The following A3GALT2 variants were observed in gnomAD, a reference collection of about 807,000 sequenced individuals.
The protein encoded by A3GALT2 is alpha 1,3-galactosyltransferase 2, also known as alpha-1,3-galactosyltransferase 2.
Under a neutral mutation model 16.6 loss-of-function variants are expected in A3GALT2, and 14 were observed. The observed-to-expected ratio is 0.84, with a 90% CI of 0.56 to 1.32. The LOEUF is 1.32. Among genes scored for constraint, A3GALT2 ranks in the 40% most tolerant of loss-of-function variants. A3GALT2 has a pLI of 0.00. For missense variants in A3GALT2, 600 were observed against 490.9 expected (o/e 1.22, Z -2.10); for synonymous variants, 253 against 218.0 (o/e 1.16, Z -1.42).
intron 4 of A3GALT2, among the ~76,000 whole-genome samples, chr1:33,309,956 T>C (rs189471932): frequency 6.6e-6 from 1 of 152,344 alleles, no homozygotes; most frequent in East Asian, 1.9e-4. Context: ...GGCAGGCAGC[T>C]GGTAGGTGGA....
Position 33,312,918 on chromosome 1 carries a change from CTCAT to C in A3GALT2, c.24-32_24-29del, listed in dbSNP as rs765282936. ...GGGGGCGGGAGGGGGGCATCAGTAA[CTCAT>C]TTATATGTATAGACACAAATATTTA... On this transcript the variant is annotated intron_variant, in intron 1 of 4. Transcript: ENST00000442999. 2.0e-6 allele frequency: 3 copies of C among 1,533,726 alleles called. No individual in the cohort carries two copies. The South Asian group carries it at 3.5e-5, about 18-fold the overall frequency.
rs1005701237 is a variant in A3GALT2, at chr1:33,320,112, T to G, written c.23+964A>C. Among the ~76,000 whole-genome samples, 5 of 152,048 alleles carry G rather than the reference T, an allele frequency of 3.3e-5. No homozygotes were observed. The East Asian group carries it at 5.8e-4, about 18-fold the overall frequency. On this transcript the variant is annotated intron_variant, in intron 1 of 4. Transcript: ENST00000442999. The surrounding 1 kb of genome is among the most constrained non-coding windows in gnomAD (Gnocchi z 4.3). ...GTTATTTCTCCCCGTGGGCTTGGCT[T>G]CTTCCCTTCGCACTCTATTCAGCTC...
chr1:33,308,607 G>A (rs1028142235), intron 4 of A3GALT2, among the ~76,000 whole-genome samples: 27 of 151,584 alleles, frequency 1.8e-4, no homozygotes, highest in Non-Finnish European at 3.8e-4. Context: ...GGGTTTCACC[G>A]TGTTGGCCAG....
intron 4 of A3GALT2, among the ~76,000 whole-genome samples, chr1:33,309,753 G>T (rs1189904244): frequency 3.3e-5 from 5 of 151,182 alleles, no homozygotes; most frequent in Admixed American, 2.0e-4. Flanking sequence ...ATGGGCGGCC[G>T]GGCAGAGACG....
chr1:33,314,729 A>C (rs1646253616), intron 1 of A3GALT2: 1 of 152,380 alleles, frequency 6.6e-6, no homozygotes, highest in Non-Finnish European at 1.5e-5. Flanking sequence ...TCATTGCAGC[A>C]GCACTCTTCA....
At chr1:33,317,551 T>G (rs1190266343) in intron 1 of A3GALT2, among the ~76,000 whole-genome samples, 8 of 152,184 alleles carry the variant, frequency 5.3e-5, no homozygotes, top group Admixed American at 4.6e-4. Flanking sequence ...GCTCCTCCAC[T>G]GTAACACTGT....
At position 33,307,112 on chromosome 1, in the gene A3GALT2, T is replaced by C; in HGVS notation, c.677A>G (p.His226Arg). 1 of 1,533,702 alleles carries C rather than the reference T, an allele frequency of 6.5e-7. No homozygotes were observed. Among genetic ancestry groups the C allele is most frequent in the Non-Finnish European group, 8.8e-7 (1 of 1,142,768 alleles). Residue 226 changes from histidine to arginine, a missense_variant, in exon 5 of 5, where the codon CAC (histidine) becomes CGC (arginine). His to Arg is a conservative substitution (Grantham distance 29). Transcript: ENST00000442999. Reference protein sequence around the residue: ...SVAQLHSWHYHWPSWLLPFER... With the variant: ...SVAQLHSWHYRWPSWLLPFER... ...GAAGGGCAGCAGCCACGACGGCCAG[T>C]GGTAGTGCCAGGAGTGCAGCTGCGC...
chr1:33,309,422 G>C (rs1365900446), intron 4 of A3GALT2, among the ~76,000 whole-genome samples: 1 of 150,362 alleles, frequency 6.7e-6, no homozygotes, highest in African/African-American at 2.4e-5. Context: ...CCCGGACGGG[G>C]CGGCTGGCCA....
intron 4 of A3GALT2, among the ~76,000 whole-genome samples, chr1:33,308,112 C>CT (rs1434170329): frequency 8.2e-6 from 1 of 122,512 alleles, no homozygotes; most frequent in Admixed American, 9.6e-5. Context: ...TCCGGACCCT[C>CT]TAGCCCTAGC....
At chr1:33,308,750 G>GTTTTGTTTT (rs1646216319) in intron 4 of A3GALT2, among the ~76,000 whole-genome samples, 2 of 46,130 alleles carry the variant, frequency 4.3e-5, no homozygotes, top group African/African-American at 2.4e-4. Context: ...TGTCAAAGTT[G>GTTTTGTTTT]TTTTTTTTTT....
At chr1:33,317,689 G>A (rs1267548117) in intron 1 of A3GALT2, among the ~76,000 whole-genome samples, 1 of 152,238 alleles carries the variant, frequency 6.6e-6, no homozygotes, top group Non-Finnish European at 1.5e-5. Context: ...GGGTTCATCA[G>A]TAGGGAACTG....
At chr1:33,310,446 G>A (rs542690601) in intron 4 of A3GALT2, among the ~76,000 whole-genome samples, 10 of 152,174 alleles carry the variant, frequency 6.6e-5, no homozygotes, top group Admixed American at 1.3e-4. Flanking sequence ...TATAGATAAC[G>A]AGGCTGCCTG....
In A3GALT2 at chr1:33,312,835, G is replaced by C; in HGVS notation, c.79C>G (p.Leu27Val). The change falls in exon 2 of 5, where the codon CTG (leucine) becomes GTG (valine). Residue 27 changes from leucine (L) to valine (V), a missense_variant. By Grantham distance (32) the Leu-to-Val change is conservative (BLOSUM62 1). Transcript: ENST00000442999. ...QILLTLGLLG[L>V]FLYGLPKFRH... Reference sequence around the variant, plus strand: ...AATTTAGGGAGGCCATACAGAAACAGGCCTAAGAGGCCAAGTGTAAGTAGG... The same window carrying C: ...AATTTAGGGAGGCCATACAGAAACACGCCTAAGAGGCCAAGTGTAAGTAGG... 1 of 1,604,590 alleles carries C rather than the reference G, an allele frequency of 6.2e-7. No individual in the cohort carries two copies. Among genetic ancestry groups the C allele is most frequent in the Non-Finnish European group, 8.5e-7 (1 of 1,175,750 alleles).
At position 33,307,033 on chromosome 1, in the gene A3GALT2, A is replaced by T; in HGVS notation, c.756T>A (p.Tyr252Ter). 1 of 1,493,492 alleles carries T rather than the reference A, an allele frequency of 6.7e-7. No homozygotes were observed. The highest frequency in any genetic ancestry group is 8.9e-7 in the Non-Finnish European group (1 of 1,125,840). The allele number at this position is 1,493,492 out of a possible 1,614,324, so 92.5% of individuals were successfully genotyped here. ...AAMAWGQGDF[Y>*]NHAAVFGGSV... Reference sequence around the variant, plus strand: ...TGCCCCCGAACACCGCCGCGTGGTTATAGAAGTCGCCCTGGCCCCACGCCA... The same window carrying T: ...TGCCCCCGAACACCGCCGCGTGGTTTTAGAAGTCGCCCTGGCCCCACGCCA... The change falls in exon 5 of 5, where the codon TAT becomes TAA. Residue 252 changes from tyrosine to a stop codon, truncating the protein, a stop_gained. Transcript: ENST00000442999. LOFTEE classifies it low-confidence loss of function (END_TRUNC).
At chr1:33,318,633 TC>T (rs575262953) in intron 1 of A3GALT2, among the ~76,000 whole-genome samples, 62 of 152,230 alleles carry the variant, frequency 4.1e-4, no homozygotes, top group Non-Finnish European at 8.1e-4. Context: ...CTATGAAGTC[TC>T]CTAGGCTTCC....
chr1:33,312,566 C>A lies in A3GALT2; in HGVS notation c.132G>T (p.Met44Ile). The change falls in exon 3 of 5, where the codon ATG becomes ATT. Residue 44 changes from methionine to isoleucine, a missense_variant. Physicochemically the swap from Met to Ile is conservative, Grantham distance 10. Coordinates refer to ENST00000442999, the MANE Select transcript of A3GALT2 (RefSeq NM_001080438.1). ...KFRHLEALIP[M>I]GVCPSATMSQ... The stretch of plus-strand genomic sequence containing the variant: ...ACATTGTGGCCGAAGGGCAGACGCC[C>A]ATGGGGATGAGGGCTTCCAGATGCC... 6.3e-7 allele frequency: 1 copy of A among 1,598,782 alleles called. No individual in the cohort carries two copies. Among genetic ancestry groups the A allele is most frequent in the Non-Finnish European group, 8.5e-7 (1 of 1,171,736 alleles).
Position 33,307,186 on chromosome 1 carries a change from G to C in A3GALT2, c.603C>G (p.Asp201Glu). ...EAHFMFCMDV[D>E]QHFSGTFGPE... ...GCCCAAAAGTGCCGCTGAAGTGCTG[G>C]TCCACGTCCATGCAGAACATGAAGT... is the stretch of plus-strand genomic sequence containing the variant. Residue 201 changes from aspartate (D) to glutamate (E), a missense_variant, in exon 5 of 5, where the codon GAC becomes GAG. Coordinates refer to ENST00000442999, the MANE Select transcript of A3GALT2 (RefSeq NM_001080438.1). 1 of 1,547,656 alleles carries C rather than the reference G, an allele frequency of 6.5e-7. No individual in the cohort carries two copies. The highest frequency in any genetic ancestry group is 8.7e-7 in the Non-Finnish European group (1 of 1,150,442).
intron 1 of A3GALT2, 40 bp downstream of exon 1, chr1:33,321,036 C>A: frequency 6.2e-7 from 1 of 1,612,382 alleles, no homozygotes; most frequent in Non-Finnish European, 8.5e-7. Flanking sequence ...CTCAGCTGTC[C>A]CCAAGCTTTC....
At chr1:33,317,238 A>G (rs552396198) in intron 1 of A3GALT2, among the ~76,000 whole-genome samples, 10 of 152,194 alleles carry the variant, frequency 6.6e-5, no homozygotes, top group Non-Finnish European at 1.3e-4. Context: ...CTCATACAGG[A>G]ACATGAAAGG....
Sources: gnomAD v4.1 joint callset for allele counts (sites outside exome capture counted in the v4.1 genomes callset) on GRCh38, gnomAD v4.1.1 for gene constraint, Gnocchi (gnomAD v3.1) non-coding constraint, MANE v1.5 for transcripts, NCBI Gene and HGNC (gene_info 2026-07-23, HGNC 2026-07-21) for gene names.